CDH18: variants seen among roughly 807,000 people sequenced by gnomAD.
CDH18 encodes the protein cadherin 18.
CDH18 carries 31 observed loss-of-function variants against 67.9 expected under a neutral mutation model. That is an observed-to-expected ratio of 0.46 (90% CI 0.34 to 0.62). The LOEUF (loss-of-function observed/expected upper bound fraction) is 0.62. Among genes scored for constraint, CDH18 ranks in the 20% least tolerant of loss-of-function variants. The probability of loss-of-function intolerance (pLI) is 0.01; values close to 1 mark genes in which losing one functional copy is unlikely to be tolerated. For missense variants in CDH18, 890 were observed against 975.5 expected, an observed-to-expected ratio of 0.91 and a Z score of 1.17; for synonymous variants, 362 against 347.2, an observed-to-expected ratio of 1.04 and a Z score of -0.48.
chr5:19,957,027 C>A (rs1796320603), intron 2 of CDH18, among the ~76,000 whole-genome samples: 1 of 151,830 alleles, frequency 6.6e-6, no homozygotes, highest in Middle Eastern at 3.2e-3. Context: ...ACAATTTCTG[C>A]CCTGGTAGGT....
At chr5:19,561,280 G>T (rs1024085067) in intron 8 of CDH18, among the ~76,000 whole-genome samples, 20 of 151,896 alleles carry the variant, frequency 1.3e-4, no homozygotes, top group African/African-American at 4.8e-4. Flanking sequence ...CGTCAATGTA[G>T]GGATAAAGAA....
At chr5:19,977,347 A>G (rs1452794291) in intron 2 of CDH18, among the ~76,000 whole-genome samples, 2 of 152,144 alleles carry the variant, frequency 1.3e-5, no homozygotes, top group Admixed American at 6.6e-5. Context: ...TTATTCCCCA[A>G]AGCTTTGGCT....
intron 1 of CDH18, among the ~76,000 whole-genome samples, chr5:20,540,707 C>T (rs1031951548): frequency 2.0e-5 from 3 of 152,204 alleles, no homozygotes; most frequent in African/African-American, 7.2e-5. Context: ...AATACAGCAT[C>T]AGATGTCAAC....
At chr5:20,325,006 A>G (rs1738418787) in intron 1 of CDH18, among the ~76,000 whole-genome samples, 1 of 152,170 alleles carries the variant, frequency 6.6e-6, no homozygotes, top group African/African-American at 2.4e-5. Flanking sequence ...ATCCTTTAAA[A>G]ATTACTTTCT....
chr5:20,077,630 T>C (rs1044739658), intron 2 of CDH18, among the ~76,000 whole-genome samples: 1 of 152,238 alleles, frequency 6.6e-6, no homozygotes, highest in Non-Finnish European at 1.5e-5. Context: ...AAAAGAAGAA[T>C]TGTTTTTAAA....
chr5:20,201,571 T>C (rs541541515), intron 2 of CDH18, among the ~76,000 whole-genome samples: 3 of 152,222 alleles, frequency 2.0e-5, no homozygotes, highest in East Asian at 3.9e-4. Context: ...ACCATACTTA[T>C]CATTTGAATC....
intron 2 of CDH18, among the ~76,000 whole-genome samples, chr5:20,148,258 A>C (rs1311303742): frequency 6.6e-6 from 1 of 151,556 alleles, no homozygotes; most frequent in African/African-American, 2.4e-5. Flanking sequence ...TACCCGGCTA[A>C]TTATTTTTAT....
At chr5:19,541,925 C>T (rs1750351078) in intron 9 of CDH18, among the ~76,000 whole-genome samples, 1 of 152,074 alleles carries the variant, frequency 6.6e-6, no homozygotes, top group Non-Finnish European at 1.5e-5. Flanking sequence ...TATTTAACCG[C>T]CATTTAATTT....
At chr5:20,241,796 G>T (rs1258118738) in intron 2 of CDH18, among the ~76,000 whole-genome samples, 1 of 150,358 alleles carries the variant, frequency 6.7e-6, no homozygotes, top group Non-Finnish European at 1.5e-5. Flanking sequence ...GGCTTGCAGT[G>T]AGCCAAGATT....
intron 11 of CDH18, among the ~76,000 whole-genome samples, chr5:19,498,367 T>C (rs1320718810): frequency 1.3e-5 from 2 of 152,148 alleles, no homozygotes; most frequent in Non-Finnish European, 2.9e-5. Context: ...TGCCCTAGCA[T>C]GAACATCCTG....
At chr5:20,179,609 C>A (rs1471670920) in intron 2 of CDH18, among the ~76,000 whole-genome samples, 2 of 152,060 alleles carry the variant, frequency 1.3e-5, no homozygotes, top group African/African-American at 4.8e-5. Context: ...GAAGAACTGC[C>A]AGTGGGATTA....
intron 1 of CDH18, among the ~76,000 whole-genome samples, chr5:20,360,035 G>A (rs1401521925): frequency 1.4e-5 from 2 of 142,418 alleles, no homozygotes; most frequent in Non-Finnish European, 3.0e-5. Context: ...AACAAACTTG[G>A]ATTAGTGACA....
chr5:20,152,151 A>T (rs1414530115), intron 2 of CDH18, among the ~76,000 whole-genome samples: 4 of 144,828 alleles, frequency 2.8e-5, no homozygotes, highest in Non-Finnish European at 6.0e-5. Flanking sequence ...ATTATATATA[A>T]TTTTATAATT....
intron 2 of CDH18, among the ~76,000 whole-genome samples, chr5:20,010,159 G>GGTGTGTGTGT (rs35461877): frequency 1.8e-3 from 262 of 146,390 alleles, no homozygotes; most frequent in Middle Eastern, 6.9e-3. Context: ...AGTGGAAAGT[G>GGTGTGTGTGT]GTGTGTGTGT....
At chr5:19,700,587 C>G (rs946199481) in intron 5 of CDH18, among the ~76,000 whole-genome samples, 2 of 152,144 alleles carry the variant, frequency 1.3e-5, no homozygotes, top group African/African-American at 4.8e-5. Context: ...GCAGAAAGCA[C>G]TCTCTTTTAA....
intron 1 of CDH18, among the ~76,000 whole-genome samples, chr5:20,526,637 A>G (rs1383346963): frequency 1.3e-5 from 2 of 152,108 alleles, no homozygotes; most frequent in African/African-American, 4.8e-5. Flanking sequence ...GGCCCCCAGC[A>G]AACTGCAGCA....
chr5:19,520,921 C>T (rs1015672970), intron 9 of CDH18, 143 bp from the exon 10 acceptor site: 27 of 771,514 alleles, frequency 3.5e-5, no homozygotes, highest in Middle Eastern at 2.7e-4. Context: ...TTTATGAAGG[C>T]GCTCTTTGCT....
chr5:20,281,110 C>G (rs1746230664), intron 1 of CDH18, among the ~76,000 whole-genome samples: 1 of 152,028 alleles, frequency 6.6e-6, no homozygotes, highest in Non-Finnish European at 1.5e-5. Flanking sequence ...GATATTAGCC[C>G]TTTGTCAGAT....
chr5:20,152,545 A>G (rs1270842380), intron 2 of CDH18, among the ~76,000 whole-genome samples: 3 of 152,010 alleles, frequency 2.0e-5, no homozygotes, highest in East Asian at 1.9e-4. Context: ...CTGTTGCACA[A>G]TCTCAATTCC....
Sources: gnomAD v4.1 joint callset for allele counts (sites outside exome capture counted in the v4.1 genomes callset) on GRCh38, gnomAD v4.1.1 for gene constraint, MANE v1.5 for transcripts, NCBI Gene and HGNC (gene_info 2026-07-23, HGNC 2026-07-21) for gene names.